Variants in FOXJ2 observed in about 807,000 individuals in gnomAD.
FOXJ2 encodes the protein forkhead box J2, also known as forkhead box protein J2.
FOXJ2 carries 18 observed loss-of-function variants against 68.4 expected under a neutral mutation model. The observed-to-expected ratio is 0.26, with a 90% CI of 0.18 to 0.39. FOXJ2 has a LOEUF of 0.39. Ranked by LOEUF, FOXJ2 falls within the 10% of genes least tolerant of loss-of-function variation. The pLI, the probability that FOXJ2 is intolerant of heterozygous loss-of-function variation, is 1.00. For missense variants in FOXJ2, 670 were observed against 726.5 expected (o/e 0.92, Z 0.89); for synonymous variants, 274 against 263.2 (o/e 1.04, Z -0.40).
At chr12:8,042,612 T>G in intron 2 of FOXJ2, 46 bp from the exon 3 acceptor site, 1 of 1,514,948 alleles carries the variant, frequency 6.6e-7, no homozygotes, top group African/African-American at 1.4e-5. Context: ...GAAAATGTTC[T>G]GCTCTGCATA....
rs576264014 is a variant in FOXJ2 at position 8,047,016 on chromosome 12, T to C, written c.818-866T>C. ...CAGCCTAGAGTTCACTCAAGTTTTA[T>C]TGTGACCGAAAGCCCCTAGTCTCAG... On this transcript the variant is annotated intron_variant, in intron 6 of 10. Transcript: ENST00000162391. 2.0e-4 allele frequency among the ~76,000 whole-genome samples: 30 copies of C among 152,266 alleles called. No homozygotes were observed. The South Asian group carries it at 5.8e-3, about 29-fold the overall frequency.
At chr12:8,051,795 A>T (rs1162103888) in intron 10 of FOXJ2, among the ~76,000 whole-genome samples, 1 of 151,800 alleles carries the variant, frequency 6.6e-6, no homozygotes, top group East Asian at 1.9e-4. Context: ...GTGACATCTG[A>T]CTCTCTCTAT....
chr12:8,041,215 G>C (rs1456818172), intron 2 of FOXJ2, among the ~76,000 whole-genome samples: 1 of 149,346 alleles, frequency 6.7e-6, no homozygotes, highest in Non-Finnish European at 1.5e-5. Context: ...TTTTTTTTGT[G>C]GGGGTGGGGG....
At chr12:8,044,126 G>A in intron 5 of FOXJ2, 35 bp downstream of exon 5, 2 of 1,484,376 alleles carry the variant, frequency 1.3e-6, no homozygotes, top group East Asian at 2.4e-5. Flanking sequence ...CATGGGATGG[G>A]TGGTGAATAG....
intron 3 of FOXJ2, among the ~76,000 whole-genome samples, chr12:8,043,379 A>G (rs1946992986): frequency 6.6e-6 from 1 of 152,110 alleles, no homozygotes; most frequent in Non-Finnish European, 1.5e-5. Flanking sequence ...TCTCTATACA[A>G]AAGTCCCTGG....
intron 6 of FOXJ2, among the ~76,000 whole-genome samples, chr12:8,045,304 C>T (rs752063252): frequency 1.4e-4 from 21 of 152,022 alleles, no homozygotes; most frequent in African/African-American, 3.4e-4. Context: ...CTGCAACCTC[C>T]GCCTCCCGGG....
chr12:8,039,940 C>G lies in FOXJ2; in HGVS notation c.108C>G (p.Pro36=). Reference sequence around the variant, plus strand: ...GAAGTGCCTCCCAGGCTGGGCCTCCCGGGAGCAGCCGCAAGTGTTCACCAG... The same window carrying G: ...GAAGTGCCTCCCAGGCTGGGCCTCCGGGGAGCAGCCGCAAGTGTTCACCAG... ...KLGSASQAGP[P]GSSRKCSPGS... The change falls in exon 2 of 11, where the codon CCC becomes CCG. Residue 36 remains proline (P), a synonymous_variant. Coordinates refer to ENST00000162391, the MANE Select transcript of FOXJ2 (RefSeq NM_018416.3). 6.2e-7 allele frequency: 1 copy of G among 1,614,056 alleles called. No homozygotes were observed. Among genetic ancestry groups the G allele is most frequent in the South Asian group, 1.1e-5 (1 of 91,078 alleles).
At chr12:8,046,487 T>A (rs1387058096) in intron 6 of FOXJ2, among the ~76,000 whole-genome samples, 1 of 152,270 alleles carries the variant, frequency 6.6e-6, no homozygotes, top group Non-Finnish European at 1.5e-5. Flanking sequence ...CTCTAAATGA[T>A]GACTTTCTTC....
At chr12:8,036,408 G>C (rs1018556069) in intron 1 of FOXJ2, among the ~76,000 whole-genome samples, 7 of 152,156 alleles carry the variant, frequency 4.6e-5, no homozygotes, top group African/African-American at 1.7e-4. Context: ...CTTTCTCCCA[G>C]TTCTGTAGTC....
chr12:8,036,906 T>G (rs1349341566), intron 1 of FOXJ2, among the ~76,000 whole-genome samples: 1 of 151,978 alleles, frequency 6.6e-6, no homozygotes, highest in African/African-American at 2.4e-5. Flanking sequence ...CAGGCCAACA[T>G]GGTGAAACCC....
chr12:8,048,389 G>A, intron 7 of FOXJ2, 100 bp downstream of exon 7: 1 of 1,487,118 alleles, frequency 6.7e-7, no homozygotes, highest in Admixed American at 2.3e-5. Context: ...TTAATGATGG[G>A]TCTTTTAGGC....
At position 8,038,789 on chromosome 12, in the gene FOXJ2, G is replaced by A. The variant is rs191198054; in HGVS notation, c.-14-1030G>A. 7.9e-5 allele frequency among the ~76,000 whole-genome samples: 12 copies of A among 152,352 alleles called. No homozygotes were observed. The highest frequency in any genetic ancestry group is 1.9e-4 in the East Asian group (1 of 5,190). On this transcript the variant is annotated intron_variant, in intron 1 of 10. Coordinates refer to ENST00000162391, the MANE Select transcript of FOXJ2 (RefSeq NM_018416.3). The surrounding 1 kb of genome is among the most constrained non-coding windows in gnomAD (Gnocchi z 5.3). ...GCAGCAGGGCGTGCAAGCATCAGGCGTAGGCGGTCTGGCAGCTCCAGGAGT... is the reference window on the plus strand; with the variant it reads ...GCAGCAGGGCGTGCAAGCATCAGGCATAGGCGGTCTGGCAGCTCCAGGAGT...
In FOXJ2 at chr12:8,038,163, A is replaced by G. The variant is rs1226289722; in HGVS notation, c.-14-1656A>G. 6.6e-6 allele frequency among the ~76,000 whole-genome samples: 1 copy of G among 152,106 alleles called. No individual in the cohort carries two copies. The highest frequency in any genetic ancestry group is 1.5e-5 in the Non-Finnish European group (1 of 68,014). On this transcript the variant is annotated intron_variant, in intron 1 of 10. Coordinates refer to ENST00000162391, the MANE Select transcript of FOXJ2 (RefSeq NM_018416.3). This position sits in a 1 kb window ranked among gnomAD's most constrained non-coding sequence, Gnocchi z 5.3. ...GTGTGTTGCTGGTTAGGAGCTGGGT[A>G]CTTGTGCACACATGCAGATTGCCAT...
In FOXJ2 at chr12:8,050,530, T is replaced by C; in HGVS notation, c.1546T>C (p.Tyr516His). The change falls in exon 10 of 11, where the codon TAT becomes CAT. Residue 516 changes from tyrosine to histidine, a missense_variant. By Grantham distance (83) the Tyr-to-His change is moderately conservative. Transcript: ENST00000162391. ...QESAMSQVNS[Y>H]GHPQAPHLYP... The stretch of plus-strand genomic sequence containing the variant: ...TTGTCTTGCTTTGGCAGTGAACTCT[T>C]ATGGGCACCCACAAGCTCCCCACCT... The C allele has an allele frequency of 6.2e-7, 1 of 1,613,590 alleles. No homozygotes were observed. Among genetic ancestry groups the C allele is most frequent in the Non-Finnish European group, 8.5e-7 (1 of 1,179,834 alleles).
chr12:8,039,419 A>C (rs1359330881), intron 1 of FOXJ2, among the ~76,000 whole-genome samples: 1 of 152,242 alleles, frequency 6.6e-6, no homozygotes, highest in East Asian at 1.9e-4. Context: ...AAAATATAAC[A>C]GGTGTCACAT....
intron 9 of FOXJ2, chr12:8,050,275 C>A: frequency 8.2e-7 from 1 of 1,213,470 alleles, no homozygotes; most frequent in Non-Finnish European, 1.0e-6. Flanking sequence ...CATACCTGGC[C>A]CTGTGTTTCT....
In FOXJ2 at chr12:8,044,885, T is replaced by C. The variant is rs1247456816; in HGVS notation, c.744T>C (p.Phe248=). 6.2e-7 allele frequency: 1 copy of C among 1,614,022 alleles called. No individual in the cohort carries two copies. The highest frequency in any genetic ancestry group is 8.5e-7 in the Non-Finnish European group (1 of 1,180,010). ...DFKFSYSEIN[F]QDLSWSFRNL... is the part of the protein sequence containing the mutation. Reference sequence around the variant, plus strand: ...AATTCTCCTACTCAGAGATCAACTTTCAGGATCTAAGCTGGTCCTTCCGCA... The same window carrying C: ...AATTCTCCTACTCAGAGATCAACTTCCAGGATCTAAGCTGGTCCTTCCGCA... Residue 248 remains phenylalanine, a synonymous_variant, in exon 6 of 11, where the codon TTT becomes TTC. Coordinates refer to ENST00000162391, the MANE Select transcript of FOXJ2 (RefSeq NM_018416.3).
intron 1 of FOXJ2, among the ~76,000 whole-genome samples, chr12:8,036,802 C>T (rs972012251): frequency 6.6e-6 from 1 of 152,106 alleles, no homozygotes; most frequent in African/African-American, 2.4e-5. Flanking sequence ...CAAGACTTCA[C>T]TGGGGGCCAG....
At position 8,049,444 on chromosome 12, in the gene FOXJ2, C is replaced by T. The variant is rs1304075985; in HGVS notation, c.1410C>T (p.Leu470=). 1.2e-6 allele frequency: 2 copies of T among 1,614,182 alleles called. No homozygotes were observed. The highest frequency in any genetic ancestry group is 1.7e-6 in the Non-Finnish European group (2 of 1,180,032). ...QHHIANLCDS[L]NHFLTQTGHV... ...ACATTGCCAATCTGTGTGACTCCCT[C>T]AACCACTTCCTTACTCAGACTGGTC... Residue 470 remains leucine, a synonymous_variant, in exon 9 of 11, where the codon CTC becomes CTT. Transcript: ENST00000162391.
Sources: gnomAD v4.1 joint callset for allele counts (sites outside exome capture counted in the v4.1 genomes callset) on GRCh38, gnomAD v4.1.1 for gene constraint, Gnocchi (gnomAD v3.1) non-coding constraint, MANE v1.5 for transcripts, NCBI Gene and HGNC (gene_info 2026-07-23, HGNC 2026-07-21) for gene names.